Variants in GALNT16 observed in about 807,000 individuals in gnomAD.
GALNT16 encodes the protein polypeptide N-acetylgalactosaminyltransferase 16.
In GALNT16, 40 loss-of-function variants were observed where a neutral mutation model predicts 76.1. That is an observed-to-expected ratio of 0.53 (90% CI 0.41 to 0.68). GALNT16 has a LOEUF of 0.68. Ranked by LOEUF, GALNT16 falls within the 30% of genes least tolerant of loss-of-function variation. GALNT16 has a pLI of 0.00. For missense variants in GALNT16, 621 were observed against 731.9 expected (o/e 0.85, Z 1.75); for synonymous variants, 276 against 285.2 (o/e 0.97, Z 0.32).
chr14:69,380,328 T>TAAA, the GALNT16 span: 2 of 359,414 alleles, frequency 5.6e-6, no homozygotes, highest in South Asian at 9.2e-5. Flanking sequence ...AATGTTTAAG[T>TAAA]AAAAAAAAAA....
intron 1 of GALNT16, among the ~76,000 whole-genome samples, chr14:69,275,619 G>A (rs1050197999): frequency 6.6e-6 from 1 of 152,246 alleles, no homozygotes; most frequent in African/African-American, 2.4e-5. Flanking sequence ...CACTTGGGGA[G>A]ACTGAGGCAG....
At chr14:69,332,120 C>T (rs2045358884) in intron 7 of GALNT16, among the ~76,000 whole-genome samples, 1 of 152,124 alleles carries the variant, frequency 6.6e-6, no homozygotes, top group African/African-American at 2.4e-5. Flanking sequence ...ATGTAAGATA[C>T]CTCATTAGTA....
At chr14:69,292,873 G>T (rs1417983455) in intron 1 of GALNT16, among the ~76,000 whole-genome samples, 1 of 152,192 alleles carries the variant, frequency 6.6e-6, no homozygotes, top group Non-Finnish European at 1.5e-5. Context: ...AAATCACAGT[G>T]CTGAGAGCAC....
intron 1 of GALNT16, 106 bp from the exon 2 acceptor site, chr14:69,320,605 A>T (rs2045165019): frequency 3.2e-6 from 3 of 930,050 alleles, no homozygotes; most frequent in Non-Finnish European, 5.0e-6. Flanking sequence ...GGCGTAAGGC[A>T]CAAATGAGGC....
intron 9 of GALNT16, among the ~76,000 whole-genome samples, chr14:69,337,920 T>C (rs1354296675): frequency 6.6e-6 from 1 of 152,118 alleles, no homozygotes; most frequent in Non-Finnish European, 1.5e-5. Context: ...TGAAGGAAAG[T>C]ACGAAATCAA....
At chr14:69,285,637 C>G (rs1266587076) in intron 1 of GALNT16, among the ~76,000 whole-genome samples, 1 of 152,130 alleles carries the variant, frequency 6.6e-6, no homozygotes, top group African/African-American at 2.4e-5. Flanking sequence ...TTGTAGGCAC[C>G]ATTGTAGCTG....
chr14:69,267,494 G>A (rs1247531776), intron 1 of GALNT16, among the ~76,000 whole-genome samples: 1 of 152,206 alleles, frequency 6.6e-6, no homozygotes, highest in Non-Finnish European at 1.5e-5. Flanking sequence ...CTTTCTTGCT[G>A]TTTCATAAAG....
At chr14:69,385,835 TG>T in the GALNT16 span, among the ~76,000 whole-genome samples, 1 of 152,164 alleles carries the variant, frequency 6.6e-6, no homozygotes, top group Non-Finnish European at 1.5e-5. Flanking sequence ...CTCACATATC[TG>T]TCCTATCAAT....
chr14:69,339,701 C>A, intron 11 of GALNT16, 82 bp downstream of exon 11: 1 of 833,422 alleles, frequency 1.2e-6, no homozygotes, highest in Non-Finnish European at 1.9e-6. Context: ...GTATGTACGC[C>A]AGGGAACCAC....
intron 12 of GALNT16, among the ~76,000 whole-genome samples, chr14:69,343,168 G>A (rs2045517296): frequency 6.6e-6 from 1 of 152,152 alleles, no homozygotes; most frequent in Non-Finnish European, 1.5e-5. Context: ...CTGTCACCTT[G>A]GGGAACACGT....
At chr14:69,299,867 T>G (rs936325377) in intron 1 of GALNT16, among the ~76,000 whole-genome samples, 2 of 152,168 alleles carry the variant, frequency 1.3e-5, no homozygotes, top group African/African-American at 2.4e-5. Context: ...CAGTGGAGGC[T>G]TCCCACAGAT....
chr14:69,272,097 G>A (rs1050965859), intron 1 of GALNT16, among the ~76,000 whole-genome samples: 3 of 151,908 alleles, frequency 2.0e-5, no homozygotes, highest in East Asian at 1.9e-4. Context: ...GCTGTGGCTC[G>A]TGCCTGTAAT....
At chr14:69,260,774 G>A (rs943012197) in intron 1 of GALNT16, among the ~76,000 whole-genome samples, 22 of 152,026 alleles carry the variant, frequency 1.4e-4, no homozygotes, top group African/African-American at 5.1e-4. Context: ...CGCTGCCGGG[G>A]CCGGGAGTCT....
In GALNT16 at chr14:69,331,473, C is replaced by A. The variant is rs543194043; in HGVS notation, c.700C>A (p.Arg234Ser). 2 of 1,594,990 alleles carry A rather than the reference C, an allele frequency of 1.3e-6. No homozygotes were observed. The highest frequency in any genetic ancestry group is 1.7e-6 in the Non-Finnish European group (2 of 1,162,656). ...MLQRVKEDHT[R>S]VVSPIIDVIS... ...CACATCTCTCTCCTAGGACCACACC[C>A]GCGTGGTGAGTCCCATCATTGATGT... Residue 234 changes from arginine to serine, a missense_variant, in exon 7 of 15, where the codon CGC becomes AGC. Coordinates refer to ENST00000448469, the MANE Select transcript of GALNT16 (RefSeq NM_001168368.2).
At position 69,352,110 on chromosome 14, in the gene GALNT16, C is replaced by A. The variant is rs766200620; in HGVS notation, c.1619C>A (p.Thr540Asn). 3.7e-6 allele frequency: 6 copies of A among 1,613,904 alleles called. No homozygotes were observed. Among genetic ancestry groups the A allele is most frequent in the South Asian group, 1.1e-5 (1 of 91,060 alleles). ...GAGACAAAGCCTGCCCAGCTGGTGA[C>A]CAGCAAGTGTCAGGCTGACGCCCAG... Reference protein sequence around the residue: ...CLETKPAQLVTSKCQADAQAQ... With the variant: ...CLETKPAQLVNSKCQADAQAQ... Residue 540 changes from threonine to asparagine, a missense_variant, in exon 15 of 15, where the codon ACC (threonine) becomes AAC (asparagine). Transcript: ENST00000448469.
chr14:69,295,122 A>G (rs1054558125), intron 1 of GALNT16, among the ~76,000 whole-genome samples: 9 of 152,154 alleles, frequency 5.9e-5, no homozygotes, highest in African/African-American at 2.2e-4. Context: ...CCACCTCAAC[A>G]TTTAACATTG....
intron 4 of GALNT16, 151 bp downstream of exon 4, chr14:69,325,555 T>G: frequency 6.0e-6 from 4 of 661,248 alleles, no homozygotes; most frequent in Non-Finnish European, 8.3e-6. Context: ...GACCCCTCCC[T>G]GGTCCTGTTC....
intron 1 of GALNT16, among the ~76,000 whole-genome samples, chr14:69,288,543 G>C (rs181067422): frequency 6.6e-6 from 1 of 152,152 alleles, no homozygotes; most frequent in Non-Finnish European, 1.5e-5. Context: ...GGCTGGCCAC[G>C]TTTCCTTCAT....
At chr14:69,339,448 GGATC>G in intron 10 of GALNT16, 75 bp from the exon 11 acceptor site, 2 of 858,008 alleles carry the variant, frequency 2.3e-6, no homozygotes, top group Non-Finnish European at 4.1e-6. Context: ...CTGTATTCAT[GGATC>G]GATTAATCTT....
Sources: allele counts gnomAD v4.1 joint callset (sites outside exome capture counted in the v4.1 genomes callset), GRCh38; gene constraint gnomAD v4.1.1; transcripts MANE v1.5; gene names NCBI Gene and HGNC (gene_info 2026-07-23, HGNC 2026-07-21).